Variants in ZNF567 observed in about 807,000 individuals in gnomAD.
The protein encoded by ZNF567 is zinc finger protein 567.
A neutral mutation model predicts 53.9 loss-of-function variants in ZNF567; 36 were observed. The observed-to-expected ratio is 0.67, with a 90% CI of 0.51 to 0.88. The LOEUF (loss-of-function observed/expected upper bound fraction) is 0.88, where lower values mean the gene tolerates loss of function less well. Ranked by LOEUF, ZNF567 falls within the 40% of genes least tolerant of loss-of-function variation. ZNF567 has a pLI of 0.00. For synonymous variants in ZNF567, 224 were observed against 260.4 expected (o/e 0.86, Z 1.35); for missense variants, 619 against 764.7 (o/e 0.81, Z 2.25).
chr19:36,715,792 G>T (rs1199414616), intron 5 of ZNF567, among the ~76,000 whole-genome samples: 1 of 151,826 alleles, frequency 6.6e-6, no homozygotes, highest in African/African-American at 2.4e-5. Context: ...GCCTCCCAAA[G>T]TGCTGGGATT....
chr19:36,677,065 G>C, the ZNF567 span, among the ~76,000 whole-genome samples: 1 of 147,334 alleles, frequency 6.8e-6, no homozygotes. Flanking sequence ...TGAGGCAGGA[G>C]AATCGCATGA....
chr19:36,679,235 G>A, the ZNF567 span, among the ~76,000 whole-genome samples: 13 of 152,194 alleles, frequency 8.5e-5, no homozygotes, highest in South Asian at 2.1e-4. Context: ...GCAGTGAGCC[G>A]AGATTGCATC....
Position 36,695,832 on chromosome 19 carries a change from T to A in ZNF567, c.9+956T>A, listed in dbSNP as rs569759847. Among the ~76,000 whole-genome samples the A allele has an allele frequency of 1.2e-4, 19 of 152,298 alleles. No individual in the cohort carries two copies. In the South Asian group the frequency reaches 3.1e-3, roughly 25 times the overall value. On this transcript the variant is annotated intron_variant, in intron 3 of 5. Coordinates refer to ENST00000682579, the MANE Select transcript of ZNF567 (RefSeq NM_001322917.1). ...ACTGAATGAACCTGTCTTGTGTAGA[T>A]TAAAAAAATATATAAGGCTTTATTG...
At chr19:36,722,605 A>G (rs761031987), downstream of ZNF567, among the ~76,000 whole-genome samples, 2 of 152,174 alleles carry the variant, frequency 1.3e-5, no homozygotes, top group Non-Finnish European at 2.9e-5. Context: ...CAGCCTGAAA[A>G]TTGTTTTTTA....
chr19:36,712,647 C>A, intron 4 of ZNF567, 134 bp from the exon 5 acceptor site: 2 of 1,419,950 alleles, frequency 1.4e-6, no homozygotes, highest in Non-Finnish European at 2.0e-6. Context: ...TGTGTCTTCA[C>A]TTACCCAGTG....
downstream of ZNF567, among the ~76,000 whole-genome samples, chr19:36,723,565 G>A (rs2040321333): frequency 6.6e-6 from 1 of 152,202 alleles, no homozygotes. Flanking sequence ...GCTGGGCGTG[G>A]TGTCTCACAC....
intron 2 of ZNF567, among the ~76,000 whole-genome samples, chr19:36,689,725 A>C (rs1280840493): frequency 4.6e-5 from 7 of 152,086 alleles, no homozygotes; most frequent in Non-Finnish European, 1.0e-4. Flanking sequence ...TGCTAAGGTG[A>C]GAATTAGCCA....
chr19:36,686,939 G>A (rs1334086767), upstream of ZNF567: 2 of 152,124 alleles, frequency 1.3e-5, no homozygotes, highest in African/African-American at 2.4e-5. Context: ...TGAGAACTGG[G>A]GACAGGTGTG....
intron 2 of ZNF567, among the ~76,000 whole-genome samples, chr19:36,692,828 A>C (rs1239173835): frequency 6.6e-6 from 1 of 152,190 alleles, no homozygotes; most frequent in Non-Finnish European, 1.5e-5. Context: ...AATAAATTTT[A>C]AAAAGAGCCT....
At chr19:36,722,765 A>C (rs1461280674), downstream of ZNF567, among the ~76,000 whole-genome samples, 1 of 152,240 alleles carries the variant, frequency 6.6e-6, no homozygotes, top group Non-Finnish European at 1.5e-5. Context: ...ATTCTTGTCA[A>C]TCCTTATTTT....
At chr19:36,671,018 C>T in the ZNF567 span, among the ~76,000 whole-genome samples, 18 of 152,304 alleles carry the variant, frequency 1.2e-4, no homozygotes, top group Non-Finnish European at 2.5e-4. Context: ...AGGAGAATTG[C>T]TTGAACCCAG....
At position 36,712,482 on chromosome 19, in the gene ZNF567, T is replaced by C; in HGVS notation, c.106T>C (p.Leu36=). 1 of 1,614,174 alleles carries C rather than the reference T, an allele frequency of 6.2e-7. No homozygotes were observed. Among genetic ancestry groups the C allele is most frequent in the Non-Finnish European group, 8.5e-7 (1 of 1,179,992 alleles). Residue 36 remains leucine (L), a synonymous_variant, in exon 4 of 6, where the codon TTG becomes CTG. Transcript: ENST00000682579. ...AQKTLYMDVM[L]ENYCHLISVG... Reference sequence around the variant, plus strand: ...GAAGACTCTATATATGGATGTGATGTTGGAAAACTATTGCCACCTCATCTC... The same window carrying C: ...GAAGACTCTATATATGGATGTGATGCTGGAAAACTATTGCCACCTCATCTC...
At chr19:36,694,569 A>AG (rs2038781946) in intron 2 of ZNF567, among the ~76,000 whole-genome samples, 1 of 152,148 alleles carries the variant, frequency 6.6e-6, no homozygotes, top group African/African-American at 2.4e-5. Context: ...GTAGTGCTTG[A>AG]GGGGAGAGGA....
At chr19:36,689,050 T>A (rs1191660057) in intron 1 of ZNF567, among the ~76,000 whole-genome samples, 1 of 152,108 alleles carries the variant, frequency 6.6e-6, no homozygotes, top group African/African-American at 2.4e-5. Flanking sequence ...TGAGCCAAGA[T>A]CGCGCCACTG....
intron 5 of ZNF567, among the ~76,000 whole-genome samples, chr19:36,715,498 A>AT (rs2040007335): frequency 3.9e-4 from 15 of 38,352 alleles, no homozygotes; most frequent in South Asian, 1.5e-3. Context: ...AATAATAATA[A>AT]TAATAATAAT....
chr19:36,720,634 G>T lies in ZNF567; in HGVS notation c.1910G>T (p.Arg637Ile), dbSNP rs146394117. The T allele has an allele frequency of 7.0e-6, 11 of 1,562,716 alleles. No individual in the cohort carries two copies. The highest frequency in any genetic ancestry group is 1.4e-5 in the African/African-American group (1 of 72,788). The change falls in exon 6 of 6, where the codon AGA becomes ATA. Residue 637 changes from arginine to isoleucine, a missense_variant. Coordinates refer to ENST00000682579, the MANE Select transcript of ZNF567 (RefSeq NM_001322917.1). ...AAGAGAAACCTCATTGTCCATCAAAGAACTCACAAGGGAGAAAACATTGAA... is the reference window on the plus strand; with the variant it reads ...AAGAGAAACCTCATTGTCCATCAAATAACTCACAAGGGAGAAAACATTGAA... ...SYKRNLIVHQ[R>I]THKGENIEMQ
chr19:36,688,698 T>C (rs2038407147), intron 1 of ZNF567, among the ~76,000 whole-genome samples: 1 of 151,492 alleles, frequency 6.6e-6, no homozygotes. Context: ...TCCCAGCTAC[T>C]TGGGAGGCTG....
chr19:36,725,503 T>G (rs764332017), downstream of ZNF567, among the ~76,000 whole-genome samples: 1 of 152,166 alleles, frequency 6.6e-6, no homozygotes, highest in Non-Finnish European at 1.5e-5. Flanking sequence ...GCACCCGGCC[T>G]TGTCTTTAAT....
intron 5 of ZNF567, 53 bp from the exon 6 acceptor site, chr19:36,718,895 C>T (rs1600581318): frequency 7.0e-7 from 1 of 1,421,376 alleles, no homozygotes; most frequent in Admixed American, 2.3e-5. Flanking sequence ...AATTTCTTTG[C>T]ATAGGAAATG....
Sources: allele counts gnomAD v4.1 joint callset (sites outside exome capture counted in the v4.1 genomes callset), GRCh38; gene constraint gnomAD v4.1.1; transcripts MANE v1.5; gene names NCBI Gene and HGNC (gene_info 2026-07-23, HGNC 2026-07-21).